The following AKAIN1 variants were observed in gnomAD, a reference collection of about 807,000 sequenced individuals.
AKAIN1 encodes A-kinase anchor protein inhibitor 1.
In AKAIN1, 3 loss-of-function variants were observed where a neutral mutation model predicts 3.7. That is an observed-to-expected ratio of 0.82 (90% confidence interval 0.37 to 2.12). The LOEUF is 2.12. AKAIN1 is among the 30% of genes most tolerant of loss of function. AKAIN1 has a pLI of 0.06. For missense variants in AKAIN1, 82 were observed against 82.7 expected, an observed-to-expected ratio of 0.99 and a Z score of 0.03; for synonymous variants, 31 against 30.8, an observed-to-expected ratio of 1.01 and a Z score of -0.02.
intron 1 of AKAIN1, among the ~76,000 whole-genome samples, chr18:5,156,916 G>T (rs1421989132): frequency 6.6e-6 from 1 of 152,144 alleles, no homozygotes; most frequent in African/African-American, 2.4e-5. Context: ...TGTGAAACTA[G>T]AAGCCTTCCT....
chr18:5,192,670 G>A (rs985818761), intron 1 of AKAIN1, among the ~76,000 whole-genome samples: 3 of 151,886 alleles, frequency 2.0e-5, no homozygotes, highest in Non-Finnish European at 2.9e-5. Context: ...TTCTATCTAC[G>A]GTATGGGGTT....
Position 5,143,115 on chromosome 18 carries a change from A to C in AKAIN1, c.*2447T>G, listed in dbSNP as rs148796700. ...ATGTTCCCACTCATTTCTGAAACTA[A>C]AAGCTGTGATCTGGTTTATGATGAT... On this transcript the variant is annotated 3_prime_UTR_variant, in exon 2 of 2. Coordinates refer to ENST00000434239, the MANE Select transcript of AKAIN1 (RefSeq NM_001145194.2). Among the ~76,000 whole-genome samples the C allele has an allele frequency of 8.2e-4, 125 of 152,348 alleles. No homozygotes were observed. The highest frequency in any genetic ancestry group is 2.9e-3 in the African/African-American group (119 of 41,580).
chr18:5,171,454 A>G (rs2071197185), intron 1 of AKAIN1, among the ~76,000 whole-genome samples: 1 of 152,184 alleles, frequency 6.6e-6, no homozygotes, highest in African/African-American at 2.4e-5. Context: ...ACAATGGATT[A>G]ATACCAAAAT....
At chr18:5,147,060 G>A (rs757626109) in intron 1 of AKAIN1, among the ~76,000 whole-genome samples, 50 of 152,286 alleles carry the variant, frequency 3.3e-4, no homozygotes, top group Middle Eastern at 3.4e-3. Flanking sequence ...TAAAAATTCT[G>A]GAAAAGGGAT....
At chr18:5,183,884 A>G (rs2071272954) in intron 1 of AKAIN1, among the ~76,000 whole-genome samples, 1 of 152,092 alleles carries the variant, frequency 6.6e-6, no homozygotes. Flanking sequence ...TGATTTCACA[A>G]CCAATAGTAC....
Position 5,184,128 on chromosome 18 carries a change from G to C in AKAIN1, c.16+12910C>G, listed in dbSNP as rs186793805. On this transcript the variant is annotated intron_variant, in intron 1 of 1. Transcript: ENST00000434239. ...AAGAGAGAGTGTTCAACCTTAGCTA[G>C]GAATGTGTTAGGTGGCTCAATTTTT... Among the ~76,000 whole-genome samples, 36 of 152,200 alleles carry C rather than the reference G, an allele frequency of 2.4e-4. 1 individual carries two copies. Among genetic ancestry groups the C allele is most frequent in the Non-Finnish European group, 1.5e-5 (1 of 67,968 alleles).
At chr18:5,176,068 A>G (rs2071224443) in intron 1 of AKAIN1, among the ~76,000 whole-genome samples, 1 of 152,122 alleles carries the variant, frequency 6.6e-6, no homozygotes, top group Admixed American at 6.5e-5. Context: ...TGTCCCCTGG[A>G]GAAGGGAGAG....
intron 1 of AKAIN1, among the ~76,000 whole-genome samples, chr18:5,194,381 T>C (rs1437987574): frequency 6.6e-6 from 1 of 152,180 alleles, no homozygotes; most frequent in East Asian, 1.9e-4. Flanking sequence ...CCAAATACCC[T>C]GTCCAATTTA....
At chr18:5,160,813 C>A (rs1055667539) in intron 1 of AKAIN1, among the ~76,000 whole-genome samples, 7 of 152,026 alleles carry the variant, frequency 4.6e-5, no homozygotes, top group Non-Finnish European at 1.0e-4. Flanking sequence ...AGACGTTTGG[C>A]CTTTCCCTAC....
At chr18:5,152,869 G>C (rs1328578627) in intron 1 of AKAIN1, among the ~76,000 whole-genome samples, 14 of 152,208 alleles carry the variant, frequency 9.2e-5, no homozygotes, top group Admixed American at 9.2e-4. Context: ...CTGAAGAAAG[G>C]AGGCCAGCCT....
At chr18:5,172,526 G>A (rs2071203754) in intron 1 of AKAIN1, among the ~76,000 whole-genome samples, 1 of 151,944 alleles carries the variant, frequency 6.6e-6, no homozygotes, top group Admixed American at 6.6e-5. Flanking sequence ...GCATTGCAAT[G>A]TGCATCTTAT....
Position 5,197,062 on chromosome 18 carries a change from C to G in AKAIN1, c.-9G>C, listed in dbSNP as rs778929215. The G allele has an allele frequency of 1.9e-6, 3 of 1,551,668 alleles. No individual in the cohort carries two copies. The highest frequency in any genetic ancestry group is 2.4e-5 in the East Asian group (1 of 40,904). On this transcript the variant is annotated 5_prime_UTR_variant, in exon 1 of 2. Coordinates refer to ENST00000434239, the MANE Select transcript of AKAIN1 (RefSeq NM_001145194.2). The surrounding 1 kb of genome is among the most constrained non-coding windows in gnomAD (Gnocchi z 6.9). Reference sequence around the variant, plus strand: ...CCTGGAGCGAACACCATGATTTCTTCCAGCCGCTACGCCCCCAGATTAAGA... The same window carrying G: ...CCTGGAGCGAACACCATGATTTCTTGCAGCCGCTACGCCCCCAGATTAAGA...
intron 1 of AKAIN1, among the ~76,000 whole-genome samples, chr18:5,183,500 A>G (rs1268239481): frequency 6.6e-6 from 1 of 152,086 alleles, no homozygotes; most frequent in Non-Finnish European, 1.5e-5. Context: ...TATAGTAATT[A>G]GAGAAGAAAG....
Position 5,145,545 on chromosome 18 carries a change from G to A in AKAIN1, c.*17C>T, listed in dbSNP as rs1415331854. 1.3e-6 allele frequency: 2 copies of A among 1,548,118 alleles called. No individual in the cohort carries two copies. Among genetic ancestry groups the A allele is most frequent in the African/African-American group, 1.4e-5 (1 of 73,096 alleles). ...AGGCTAGAAACCAAGCACATGTCAA[G>A]AGCCAAATCCACCATGTTACTTCTT... On this transcript the variant is annotated 3_prime_UTR_variant, in exon 2 of 2. Coordinates refer to ENST00000434239, the MANE Select transcript of AKAIN1 (RefSeq NM_001145194.2).
chr18:5,152,373 ATCC>A (rs1172313107), intron 1 of AKAIN1, among the ~76,000 whole-genome samples: 1 of 152,166 alleles, frequency 6.6e-6, no homozygotes, highest in Admixed American at 6.5e-5. Context: ...CAACATCTTC[ATCC>A]TCCTGTCCCA....
At chr18:5,185,028 C>A (rs1368982182) in intron 1 of AKAIN1, among the ~76,000 whole-genome samples, 1 of 152,012 alleles carries the variant, frequency 6.6e-6, no homozygotes, top group Non-Finnish European at 1.5e-5. Flanking sequence ...ATAGAGAGCC[C>A]AGAAATATTA....
intron 1 of AKAIN1, among the ~76,000 whole-genome samples, chr18:5,156,164 G>A (rs1012049148): frequency 2.0e-5 from 3 of 152,128 alleles, no homozygotes; most frequent in Non-Finnish European, 2.9e-5. Flanking sequence ...CCCGGGCATG[G>A]TGAGGACATG....
chr18:5,193,814 G>A (rs1258648686), intron 1 of AKAIN1, among the ~76,000 whole-genome samples: 2 of 152,136 alleles, frequency 1.3e-5, no homozygotes, highest in African/African-American at 4.8e-5. Flanking sequence ...TTTTCCTCCT[G>A]AATGTAAGAT....
chr18:5,167,546 G>A (rs1288646223), intron 1 of AKAIN1, among the ~76,000 whole-genome samples: 1 of 152,032 alleles, frequency 6.6e-6, no homozygotes, highest in Non-Finnish European at 1.5e-5. Context: ...AGAAATACCA[G>A]GTAATATCGT....
Sources: allele counts gnomAD v4.1 joint callset (sites outside exome capture counted in the v4.1 genomes callset), GRCh38; gene constraint gnomAD v4.1.1; non-coding constraint Gnocchi (gnomAD v3.1); transcripts MANE v1.5; gene names NCBI Gene and HGNC (gene_info 2026-07-23, HGNC 2026-07-21).